Variants in LMF2 observed in about 807,000 individuals in gnomAD.
LMF2 encodes transmembrane protein 112B.
Under a neutral mutation model 81.5 loss-of-function variants are expected in LMF2, and 113 were observed. The observed-to-expected ratio is 1.39, with a 90% CI of 1.19 to 1.62. LMF2 has a LOEUF of 1.62. Among genes scored for constraint, LMF2 ranks in the 40% most tolerant of loss-of-function variants. The pLI, the probability that LMF2 is intolerant of heterozygous loss-of-function variation, is 0.00. For missense variants in LMF2, 1,235 were observed against 929.1 expected (o/e 1.33, Z -4.28); for synonymous variants, 645 against 424.5 (o/e 1.52, Z -6.39).
rs1167966579 is a variant in LMF2, at chr22:50,505,306, C to T, written c.1080G>A (p.Trp360Ter). The change falls in exon 8 of 14, where the codon TGG becomes TGA. Residue 360 changes from tryptophan to a stop codon, truncating the protein, a stop_gained. Coordinates refer to ENST00000474879, the MANE Select transcript of LMF2 (RefSeq NM_033200.3). LOFTEE classifies it high-confidence loss of function. ...TTFTFHQFSQ[W>*]LKTLTLPTVW... ...CAGTGGGCAGCGTCAGTGTCTTCAG[C>T]CACTGAGAAAACTGGTGGAAGGTGA... The T allele has an allele frequency of 6.2e-7, 1 of 1,613,318 alleles. No homozygotes were observed.
chr22:50,504,732 C>G lies in LMF2; in HGVS notation c.1438-5G>C, dbSNP rs759246210. 18 of 1,609,164 alleles carry G rather than the reference C, an allele frequency of 1.1e-5. No individual in the cohort carries two copies. Among genetic ancestry groups the G allele is most frequent in the Non-Finnish European group, 1.5e-5 (18 of 1,179,052 alleles). ...CTTGTACATGAACTCGATCTCCTGC[C>G]AGGCAGGCCGAGGTCAGCTGGGCCC... On this transcript the variant is annotated splice_polypyrimidine_tract_variant and splice_region_variant and intron_variant, in intron 10 of 13. Coordinates refer to ENST00000474879, the MANE Select transcript of LMF2 (RefSeq NM_033200.3).
intron 6 of LMF2, 52 bp from the exon 7 acceptor site, chr22:50,505,589 G>A (rs527860246): frequency 1.9e-5 from 31 of 1,611,694 alleles, no homozygotes; most frequent in Admixed American, 1.7e-4. Context: ...CCAGGGGGCT[G>A]GGGTGCAGCT....
At position 50,503,679 on chromosome 22, in the gene LMF2, G is replaced by A. The variant is rs1442476549; in HGVS notation, c.1836C>T (p.Thr612=). The A allele has an allele frequency of 6.3e-7, 1 of 1,593,382 alleles. No homozygotes were observed. The highest frequency in any genetic ancestry group is 8.5e-7 in the Non-Finnish European group (1 of 1,175,036). The change falls in exon 14 of 14, where the codon ACC becomes ACT. Residue 612 remains threonine (T), a synonymous_variant. Transcript: ENST00000474879. The stretch of plus-strand genomic sequence containing the variant: ...GGGCCAGGGTGCTGTTGGCGCTGCG[G>A]GTGCGAGGTGGGCTTTTCTCCTGTG... ...FGLQEKSPPR[T]RSANSTLAQA...
chr22:50,504,761 G>A, intron 10 of LMF2, 34 bp from the exon 11 acceptor site: 1 of 1,606,042 alleles, frequency 6.2e-7, no homozygotes, highest in Non-Finnish European at 8.5e-7. Flanking sequence ...TGGGCCCGCT[G>A]ACCTGGGCCC....
intron 1 of LMF2, 30 bp downstream of exon 1, chr22:50,507,552 C>T (rs1217520745): frequency 5.5e-5 from 81 of 1,485,644 alleles, no homozygotes; most frequent in Non-Finnish European, 7.3e-5. Context: ...CGCGCCGAGG[C>T]TGGGGGTGTC....
rs1205154495 is a variant in LMF2 at position 50,504,405 on chromosome 22, C to G, written c.1653G>C (p.Lys551Asn). Reference sequence around the variant, plus strand: ...GGGCTCGGACGTAGGTGGGCGGCTGCTTGTGGAAGGGATACCTGGCCACTT... The same window carrying G: ...GGGCTCGGACGTAGGTGGGCGGCTGGTTGTGGAAGGGATACCTGGCCACTT... Reference protein sequence around the residue: ...QSQVARYPFHKQPPTYVRAQR... With the variant: ...QSQVARYPFHNQPPTYVRAQR... Residue 551 changes from lysine (K) to asparagine (N), a missense_variant, in exon 12 of 14, where the codon AAG becomes AAC. Lys to Asn is a moderately conservative substitution (Grantham distance 94). Transcript: ENST00000474879. 1 of 1,612,328 alleles carries G rather than the reference C, an allele frequency of 6.2e-7. No homozygotes were observed. Among genetic ancestry groups the G allele is most frequent in the African/African-American group, 1.3e-5 (1 of 74,822 alleles).
rs752923800 is a variant in LMF2, at chr22:50,504,396, G to C, written c.1662C>G (p.Pro554=). The C allele has an allele frequency of 6.2e-7, 1 of 1,612,410 alleles. No individual in the cohort carries two copies. Among genetic ancestry groups the C allele is most frequent in the Non-Finnish European group, 8.5e-7 (1 of 1,179,700 alleles). ...TGTAGCGCTGGGCTCGGACGTAGGT[G>C]GGCGGCTGCTTGTGGAAGGGATACC... ...VARYPFHKQP[P]TYVRAQRYKY... Residue 554 remains proline (P), a synonymous_variant, in exon 12 of 14, where the codon CCC becomes CCG. Coordinates refer to ENST00000474879, the MANE Select transcript of LMF2 (RefSeq NM_033200.3).
In LMF2 at chr22:50,505,702, G is replaced by A. The variant is rs1368951153; in HGVS notation, c.888C>T (p.Gly296=). Residue 296 remains glycine (G), a synonymous_variant, in exon 6 of 14, where the codon GGC becomes GGT. Coordinates refer to ENST00000474879, the MANE Select transcript of LMF2 (RefSeq NM_033200.3). ...TGGCCGTCTTCTTGCGGCTGCCGTG[G>A]CCAGGCTCAGCAGCCAGGTGCTGGT... is the stretch of plus-strand genomic sequence containing the variant. ...LDDQHLAAEP[G]HGSRKKTATS... The A allele has an allele frequency of 6.2e-7, 1 of 1,612,782 alleles. No individual in the cohort carries two copies. The highest frequency in any genetic ancestry group is 1.7e-5 in the Admixed American group (1 of 60,010).
At position 50,506,817 on chromosome 22, in the gene LMF2, A is replaced by C. The variant is rs1462547323; in HGVS notation, c.313T>G (p.Leu105Val). 1 of 1,610,862 alleles carries C rather than the reference A, an allele frequency of 6.2e-7. No homozygotes were observed. Among genetic ancestry groups the C allele is most frequent in the Admixed American group, 1.7e-5 (1 of 59,484 alleles). Residue 105 changes from leucine to valine, a missense_variant, in exon 2 of 14, where the codon TTG becomes GTG. Transcript: ENST00000474879. ...GACAGGTAGGCGGCCCAAAGCAGCA[A>C]GTAGATGACAGGGTGGCGCAGTGGG... ...LSPLRHPVIY[L>V]LLWAAYLSAC...
rs760644993 is a variant in LMF2, at chr22:50,505,039, C to T, written c.1254+18G>A. ...GCCCTGCCCCCAGCCCATCCCCCAG[C>T]CCTGCAGCGCTACCCACCAGGCTAA... On this transcript the variant is annotated intron_variant, in intron 9 of 13. Transcript: ENST00000474879. 7.4e-6 allele frequency: 12 copies of T among 1,612,722 alleles called. No homozygotes were observed. The highest frequency in any genetic ancestry group is 1.6e-4 in the Middle Eastern group (1 of 6,084).
intron 13 of LMF2, 47 bp downstream of exon 13, chr22:50,503,761 T>C (rs577546946): frequency 1.9e-6 from 3 of 1,590,542 alleles, no homozygotes; most frequent in South Asian, 2.2e-5. Flanking sequence ...CCCGGGAGGC[T>C]GGGGTCACCC....
rs1395524239 is a variant in LMF2 at position 50,504,941 on chromosome 22, C to G, written c.1298G>C (p.Trp433Ser). The stretch of plus-strand genomic sequence containing the variant: ...ACCAAACAGGCGGTGGGCCCCGGTC[C>G]AGAGGCGCCCGTGGGTCCCGGGCTC... ...YVEPGTHGRL[W>S]TGAHRLFGAV... The change falls in exon 10 of 14, where the codon TGG (tryptophan) becomes TCG (serine). Residue 433 changes from tryptophan to serine, a missense_variant. By Grantham distance (177) the Trp-to-Ser change is radical. Coordinates refer to ENST00000474879, the MANE Select transcript of LMF2 (RefSeq NM_033200.3). 1.2e-6 allele frequency: 2 copies of G among 1,607,646 alleles called. No individual in the cohort carries two copies. The highest frequency in any genetic ancestry group is 1.7e-5 in the Admixed American group (1 of 59,496).
Sources: allele counts gnomAD v4.1 joint callset, GRCh38; gene constraint gnomAD v4.1.1; transcripts MANE v1.5; gene names NCBI Gene and HGNC (gene_info 2026-07-23, HGNC 2026-07-21).